The following PTGER1 variants were observed in gnomAD, a reference collection of about 807,000 sequenced individuals.
The protein encoded by PTGER1 is prostaglandin E2 receptor EP1 subtype.
Under a neutral mutation model 18.5 loss-of-function variants are expected in PTGER1, and 15 were observed. The ratio of observed to expected loss-of-function variants is 0.81; its 90% CI spans 0.54 to 1.25. The LOEUF is 1.25. Among genes scored for constraint, PTGER1 ranks in the 50% most tolerant of loss-of-function variants. The pLI is 0.00. For missense variants in PTGER1, 567 were observed against 603.4 expected (o/e 0.94, Z 0.63); for synonymous variants, 339 against 308.4 (o/e 1.10, Z -1.04).
chr19:14,475,057 CTT>C (rs1050064506), intron 1 of PTGER1, among the ~76,000 whole-genome samples: 23 of 152,244 alleles, frequency 1.5e-4, no homozygotes, highest in African/African-American at 5.1e-4. Context: ...ACCATCCACT[CTT>C]TGATATCCTG....
In PTGER1 at chr19:14,474,076, G is replaced by A; in HGVS notation, c.245C>T (p.Ala82Val). 2 of 1,491,598 alleles carry A rather than the reference G, an allele frequency of 1.3e-6. No homozygotes were observed. The highest frequency in any genetic ancestry group is 1.8e-6 in the Non-Finnish European group (2 of 1,126,262). The allele number at this position is 1,491,598 out of a possible 1,614,324, so 92.4% of individuals were successfully genotyped here. A position where few individuals can be genotyped will look rare whatever the true frequency, so the allele number is the denominator to read the frequency against. Residue 82 changes from alanine to valine, a missense_variant, in exon 2 of 3, where the codon GCC becomes GTC. Coordinates refer to ENST00000292513, the MANE Select transcript of PTGER1 (RefSeq NM_000955.3). The surrounding 1 kb of genome is among the most constrained non-coding windows in gnomAD (Gnocchi z 5.4). ...TFLLFVASLL[A>V]TDLAGHVIPG... is the part of the protein sequence containing the mutation. ...GATCACGTGGCCCGCCAGGTCGGTGGCCAGCAGGCTGGCCACGAACAGCAG... is the reference window on the plus strand; with the variant it reads ...GATCACGTGGCCCGCCAGGTCGGTGACCAGCAGGCTGGCCACGAACAGCAG...
In PTGER1 at chr19:14,474,919, C is replaced by T. The variant is rs1302336101; in HGVS notation, c.-18+343G>A. 6.6e-6 allele frequency among the ~76,000 whole-genome samples: 1 copy of T among 152,190 alleles called. No homozygotes were observed. Among genetic ancestry groups the T allele is most frequent in the Non-Finnish European group, 1.5e-5 (1 of 68,010 alleles). On this transcript the variant is annotated intron_variant, in intron 1 of 2. Transcript: ENST00000292513. This position sits in a 1 kb window ranked among gnomAD's most constrained non-coding sequence, Gnocchi z 5.4. ...TGCCATGGACCCATCTCTGCCCCTG[C>T]CCCATGGACCTGCCTCTGCTCCACT...
Position 14,473,763 on chromosome 19 carries a change from C to G in PTGER1, c.558G>C (p.Thr186=). The G allele has an allele frequency of 6.9e-7, 1 of 1,458,080 alleles. No homozygotes were observed. Among genetic ancestry groups the G allele is most frequent in the Non-Finnish European group, 9.0e-7 (1 of 1,110,030 alleles). The allele number at this position is 1,458,080 out of a possible 1,614,324, so 90.3% of individuals were successfully genotyped here. Residue 186 remains threonine (T), a synonymous_variant, in exon 2 of 3, where the codon ACG becomes ACC. Coordinates refer to ENST00000292513, the MANE Select transcript of PTGER1 (RefSeq NM_000955.3). The surrounding 1 kb of genome is among the most constrained non-coding windows in gnomAD (Gnocchi z 7.1). The stretch of plus-strand genomic sequence containing the variant: ...GGGGACCCAGGCCGATGAAGCACCA[C>G]GTGCCCGGGTACTGCAGCTCATAGC... The part of the protein sequence containing the change: ...VGRYELQYPG[T]WCFIGLGPPG...
At position 14,474,284 on chromosome 19, in the gene PTGER1, C is replaced by G; in HGVS notation, c.37G>C (p.Gly13Arg). The stretch of plus-strand genomic sequence containing the variant: ...GGCGCCGCGCATGTGGTCGCCTCGC[C>G]CGCCAGGCTCAGGTTGAGGGGCCCG... ...PCGPLNLSLA[G>R]EATTCAAPWV... is the part of the protein sequence containing the mutation. The change falls in exon 2 of 3, where the codon GGC becomes CGC. Residue 13 changes from glycine (G) to arginine (R), a missense_variant. Physicochemically the swap from Gly to Arg is moderately radical, Grantham distance 125. Transcript: ENST00000292513. This position sits in a 1 kb window ranked among gnomAD's most constrained non-coding sequence, Gnocchi z 5.4. 6.5e-7 allele frequency: 1 copy of G among 1,531,012 alleles called. No homozygotes were observed. The highest frequency in any genetic ancestry group is 8.7e-7 in the Non-Finnish European group (1 of 1,144,960). The allele number at this position is 1,531,012 out of a possible 1,614,324, so 94.8% of individuals were successfully genotyped here. A position where few individuals can be genotyped will look rare whatever the true frequency, so the allele number is the denominator to read the frequency against.
chr19:14,473,369 C>G lies in PTGER1; in HGVS notation c.942+10G>C, dbSNP rs562599765. 1 of 1,562,702 alleles carries G rather than the reference C, an allele frequency of 6.4e-7. No individual in the cohort carries two copies. Among genetic ancestry groups the G allele is most frequent in the Non-Finnish European group, 8.6e-7 (1 of 1,160,382 alleles). On this transcript the variant is annotated intron_variant, in intron 2 of 2. Transcript: ENST00000292513. The surrounding 1 kb of genome is among the most constrained non-coding windows in gnomAD (Gnocchi z 7.1). Reference sequence around the variant, plus strand: ...AGGAGCGTGGCTCGAGGGGCCGGTGCGCCCCTCACCAGCATTGGGCTCCAG... The same window carrying G: ...AGGAGCGTGGCTCGAGGGGCCGGTGGGCCCCTCACCAGCATTGGGCTCCAG...
At position 14,474,161 on chromosome 19, in the gene PTGER1, G is replaced by A. The variant is rs1177149910; in HGVS notation, c.160C>T (p.Leu54=). Residue 54 remains leucine, a synonymous_variant, in exon 2 of 3, where the codon CTG becomes TTG. Coordinates refer to ENST00000292513, the MANE Select transcript of PTGER1 (RefSeq NM_000955.3). The surrounding 1 kb of genome is among the most constrained non-coding windows in gnomAD (Gnocchi z 5.4). ...TLGAVSNLLA[L]ALLAQAAGRL... ...CCCGCGGCCTGCGCCAGCAGCGCCA[G>A]CGCCAGCAGGTTGGACACGGCGCCC... 6.8e-7 allele frequency: 1 copy of A among 1,475,306 alleles called. No individual in the cohort carries two copies. The highest frequency in any genetic ancestry group is 8.9e-7 in the Non-Finnish European group (1 of 1,122,798). 91.4% of individuals were successfully genotyped at this position (1,475,306 alleles called of 1,614,324 possible). A position where few individuals can be genotyped will look rare whatever the true frequency, so the allele number is the denominator to read the frequency against.
Position 14,472,477 on chromosome 19 carries a change from C to T in PTGER1, c.*83G>A. 7.0e-7 allele frequency: 1 copy of T among 1,429,854 alleles called. No individual in the cohort carries two copies. Among genetic ancestry groups the T allele is most frequent in the East Asian group, 2.5e-5 (1 of 39,330 alleles). 88.6% of individuals were successfully genotyped at this position (1,429,854 alleles called of 1,614,324 possible). A position where few individuals can be genotyped will look rare whatever the true frequency, so the allele number is the denominator to read the frequency against. ...GGTCCTGCCTGGGCTCGCAGAATGG[C>T]TTTTTATTCCCAAAGGCTCTGCGCC... On this transcript the variant is annotated 3_prime_UTR_variant, in exon 3 of 3. Transcript: ENST00000292513.
At position 14,473,707 on chromosome 19, in the gene PTGER1, C is replaced by T. The variant is rs1435765022; in HGVS notation, c.614G>A (p.Gly205Asp). Residue 205 changes from glycine (G) to aspartate (D), a missense_variant, in exon 2 of 3, where the codon GGC becomes GAC. By Grantham distance (94) the Gly-to-Asp change is moderately conservative. Transcript: ENST00000292513. The surrounding 1 kb of genome is among the most constrained non-coding windows in gnomAD (Gnocchi z 7.1). ...GACCAGGCCGAGGCTGGCGAAGAGG[C>T]CAGCAAGCAGTGCCTGGCGCCAGCC... ...PGGWRQALLA[G>D]LFASLGLVAL... The T allele has an allele frequency of 6.8e-7, 1 of 1,472,610 alleles. No individual in the cohort carries two copies. Among genetic ancestry groups the T allele is most frequent in the South Asian group, 1.3e-5 (1 of 77,702 alleles). The allele number at this position is 1,472,610 out of a possible 1,614,324, so 91.2% of individuals were successfully genotyped here. A position where few individuals can be genotyped will look rare whatever the true frequency, so the allele number is the denominator to read the frequency against.
chr19:14,472,973 T>C, intron 2 of PTGER1, 147 bp from the exon 3 acceptor site: 1 of 773,334 alleles, frequency 1.3e-6, no homozygotes, highest in Non-Finnish European at 1.9e-6. Flanking sequence ...GAGAAACGGA[T>C]GCGGAAAAAA....
rs757040185 is a variant in PTGER1 at position 14,473,454 on chromosome 19, G to T, written c.867C>A (p.Arg289=). The T allele has an allele frequency of 1.3e-5, 21 of 1,590,750 alleles. No individual in the cohort carries two copies. The African/African-American group carries it at 2.7e-4, about 20-fold the overall frequency. Residue 289 remains arginine (R), a synonymous_variant, in exon 2 of 3, where the codon CGC becomes CGA. Transcript: ENST00000292513. The surrounding 1 kb of genome is among the most constrained non-coding windows in gnomAD (Gnocchi z 7.1). ...SRSSGSARRA[R]AHDVEMVGQL... is the part of the protein sequence containing the mutation. ...GGCCCACCATCTCCACGTCGTGGGC[G>T]CGAGCTCTGCGTGCCGAGCCGCTGC... is the stretch of plus-strand genomic sequence containing the variant.
chr19:14,473,902 G>C lies in PTGER1; in HGVS notation c.419C>G (p.Thr140Arg). The change falls in exon 2 of 3, where the codon ACG becomes AGG. Residue 140 changes from threonine (T) to arginine (R), a missense_variant. Coordinates refer to ENST00000292513, the MANE Select transcript of PTGER1 (RefSeq NM_000955.3). This position sits in a 1 kb window ranked among gnomAD's most constrained non-coding sequence, Gnocchi z 7.1. ...GMAVERCVGV[T>R]RPLLHAARVS... The stretch of plus-strand genomic sequence containing the variant: ...CCGCGCGGCGTGGAGCAGCGGCCGC[G>C]TGACGCCCACGCAGCGCTCCACGGC... The C allele has an allele frequency of 7.4e-7, 1 of 1,355,478 alleles. No homozygotes were observed. The highest frequency in any genetic ancestry group is 3.3e-5 in the East Asian group (1 of 30,560). 84.0% of individuals were successfully genotyped at this position (1,355,478 alleles called of 1,614,324 possible).
Position 14,473,542 on chromosome 19 carries a change from G to A in PTGER1, c.779C>T (p.Ser260Leu), listed in dbSNP as rs968264276. The A allele has an allele frequency of 5.2e-6, 8 of 1,544,934 alleles. No individual in the cohort carries two copies. Among genetic ancestry groups the A allele is most frequent in the South Asian group, 3.5e-5 (3 of 84,682 alleles). Residue 260 changes from serine (S) to leucine (L), a missense_variant, in exon 2 of 3, where the codon TCG (serine) becomes TTG (leucine). Coordinates refer to ENST00000292513, the MANE Select transcript of PTGER1 (RefSeq NM_000955.3). The surrounding 1 kb of genome is among the most constrained non-coding windows in gnomAD (Gnocchi z 7.1). Reference sequence around the variant, plus strand: ...GGACGAGGCGGACGAGGCGGAGGCCGAGCGGGGTCCGTGCGCCCCCCAGCG... The same window carrying A: ...GGACGAGGCGGACGAGGCGGAGGCCAAGCGGGGTCCGTGCGCCCCCCAGCG... The part of the protein sequence containing the change: ...RRRWGAHGPR[S>L]ASASSASSIA...
chr19:14,472,638 C>G lies in PTGER1; in HGVS notation c.1131G>C (p.Ala377=). 6.2e-7 allele frequency: 1 copy of G among 1,606,792 alleles called. No homozygotes were observed. The highest frequency in any genetic ancestry group is 8.5e-7 in the Non-Finnish European group (1 of 1,177,666). The change falls in exon 3 of 3, where the codon GCG becomes GCC. Residue 377 remains alanine (A), a synonymous_variant. Transcript: ENST00000292513. ...AGGCGCTCGGTGTTAGGCCCAGCCCCGCGGGGCCGCCCTTGGCTCCGGCCC... is the reference window on the plus strand; with the variant it reads ...AGGCGCTCGGTGTTAGGCCCAGCCCGGCGGGGCCGCCCTTGGCTCCGGCCC... ...PPRAGAKGGP[A]GLGLTPSAWE...
chr19:14,473,993 A>G lies in PTGER1; in HGVS notation c.328T>C (p.Cys110Arg). 1 of 1,499,542 alleles carries G rather than the reference A, an allele frequency of 6.7e-7. No individual in the cohort carries two copies. Among genetic ancestry groups the G allele is most frequent in the Non-Finnish European group, 8.9e-7 (1 of 1,128,972 alleles). The allele number at this position is 1,499,542 out of a possible 1,614,324, so 92.9% of individuals were successfully genotyped here. The change falls in exon 2 of 3, where the codon TGC becomes CGC. Residue 110 changes from cysteine to arginine, a missense_variant. Transcript: ENST00000292513. This position sits in a 1 kb window ranked among gnomAD's most constrained non-coding sequence, Gnocchi z 7.1. ...ACCATGCAGCCGCCCAGGAAGTGGC[A>G]GGCCCCGCCGGCCGGAGCGCGCCCC... ...TAGRAPAGGA[C>R]HFLGGCMVFF...
Position 14,474,429 on chromosome 19 carries a change from A to T in PTGER1, c.-17-92T>A. On this transcript the variant is annotated intron_variant, in intron 1 of 2. Transcript: ENST00000292513. This position sits in a 1 kb window ranked among gnomAD's most constrained non-coding sequence, Gnocchi z 5.4. ...ATCTCAGAACATCAGGGCCTGTTTG[A>T]CTCCATGGCGTTCTCAGGCGGCCCC... 7.6e-7 allele frequency: 1 copy of T among 1,318,668 alleles called. No individual in the cohort carries two copies. The highest frequency in any genetic ancestry group is 3.1e-5 in the East Asian group (1 of 32,300). The allele number at this position is 1,318,668 out of a possible 1,614,324, so 81.7% of individuals were successfully genotyped here.
chr19:14,474,537 C>G lies in PTGER1; in HGVS notation c.-17-200G>C, dbSNP rs1190537942. Among the ~76,000 whole-genome samples the G allele has an allele frequency of 6.6e-6, 1 of 152,116 alleles. No individual in the cohort carries two copies. Among genetic ancestry groups the G allele is most frequent in the Admixed American group, 6.5e-5 (1 of 15,282 alleles). ...ACCCTTCTCCCTCTCTTTTGCCTCT[C>G]ACCACCCCATCTCCTGCTCCAGGGC... On this transcript the variant is annotated intron_variant, in intron 1 of 2. Transcript: ENST00000292513. This position sits in a 1 kb window ranked among gnomAD's most constrained non-coding sequence, Gnocchi z 5.4.
Position 14,473,693 on chromosome 19 carries a change from G to A in PTGER1, c.628C>T (p.Leu210Phe), listed in dbSNP as rs2071588515. ...QALLAGLFAS[L>F]GLVALLAALV... is the part of the protein sequence containing the mutation. ...GCGGCGAGGAGCGCGACCAGGCCGA[G>A]GCTGGCGAAGAGGCCAGCAAGCAGT... Residue 210 changes from leucine to phenylalanine, a missense_variant, in exon 2 of 3, where the codon CTC becomes TTC. Coordinates refer to ENST00000292513, the MANE Select transcript of PTGER1 (RefSeq NM_000955.3). This position sits in a 1 kb window ranked among gnomAD's most constrained non-coding sequence, Gnocchi z 7.1. The A allele has an allele frequency of 1.4e-6, 2 of 1,476,316 alleles. No homozygotes were observed. The highest frequency in any genetic ancestry group is 1.3e-5 in the South Asian group (1 of 78,090). 91.5% of individuals were successfully genotyped at this position (1,476,316 alleles called of 1,614,324 possible).
Position 14,474,232 on chromosome 19 carries a change from G to A in PTGER1, c.89C>T (p.Pro30Leu). 1 of 1,527,478 alleles carries A rather than the reference G, an allele frequency of 6.5e-7. No homozygotes were observed. The highest frequency in any genetic ancestry group is 1.2e-5 in the South Asian group (1 of 83,670). 94.6% of individuals were successfully genotyped at this position (1,527,478 alleles called of 1,614,324 possible). Residue 30 changes from proline to leucine, a missense_variant, in exon 2 of 3, where the codon CCG becomes CTG. By Grantham distance (98) the Pro-to-Leu change is moderately conservative. Coordinates refer to ENST00000292513, the MANE Select transcript of PTGER1 (RefSeq NM_000955.3). This position sits in a 1 kb window ranked among gnomAD's most constrained non-coding sequence, Gnocchi z 5.4. The stretch of plus-strand genomic sequence containing the variant: ...CAGCGCGGGCGAAGCGCCCGACGGC[G>A]GCACGGCCGACGTGTTGGGGACCCA... ...APWVPNTSAV[P>L]PSGASPALPI...
At position 14,474,022 on chromosome 19, in the gene PTGER1, G is replaced by T; in HGVS notation, c.299C>A (p.Thr100Asn). The stretch of plus-strand genomic sequence containing the variant: ...CCCGCCGGCCGGAGCGCGCCCCGCA[G>T]TGTACAGACGCAGCACCAGCGCGCC... ...IPGALVLRLYTAGRAPAGGAC... is the reference protein window; with the variant it reads ...IPGALVLRLYNAGRAPAGGAC... The change falls in exon 2 of 3, where the codon ACT becomes AAT. Residue 100 changes from threonine (T) to asparagine (N), a missense_variant. Physicochemically the swap from Thr to Asn is moderately conservative, Grantham distance 65 (BLOSUM62 0). Coordinates refer to ENST00000292513, the MANE Select transcript of PTGER1 (RefSeq NM_000955.3). This position sits in a 1 kb window ranked among gnomAD's most constrained non-coding sequence, Gnocchi z 5.4. 1.3e-6 allele frequency: 2 copies of T among 1,500,710 alleles called. No homozygotes were observed. Among genetic ancestry groups the T allele is most frequent in the African/African-American group, 1.4e-5 (1 of 69,102 alleles). The allele number at this position is 1,500,710 out of a possible 1,614,324, so 93.0% of individuals were successfully genotyped here. A position where few individuals can be genotyped will look rare whatever the true frequency, so the allele number is the denominator to read the frequency against.
Sources: gnomAD v4.1 joint callset for allele counts (sites outside exome capture counted in the v4.1 genomes callset) on GRCh38, gnomAD v4.1.1 for gene constraint, Gnocchi (gnomAD v3.1) non-coding constraint, MANE v1.5 for transcripts, NCBI Gene and HGNC (gene_info 2026-07-23, HGNC 2026-07-21) for gene names.